Variants in SLC39A11 observed in about 807,000 individuals in gnomAD.
SLC39A11 encodes the protein zinc transporter ZIP11.
SLC39A11 carries 33 observed loss-of-function variants against 36.1 expected under a neutral mutation model. The ratio of observed to expected loss-of-function variants is 0.91; its 90% CI spans 0.69 to 1.22. The LOEUF is 1.22. SLC39A11 is among the 50% of genes most tolerant of loss of function. The probability of loss-of-function intolerance (pLI) is 0.00; values close to 1 mark genes in which losing one functional copy is unlikely to be tolerated. For missense variants in SLC39A11, 432 were observed against 430.3 expected (o/e 1.00, Z -0.03); for synonymous variants, 166 against 170.3 (o/e 0.97, Z 0.20).
At chr17:72,665,282 C>T (rs979615241) in intron 7 of SLC39A11, among the ~76,000 whole-genome samples, 1 of 151,976 alleles carries the variant, frequency 6.6e-6, no homozygotes, top group Non-Finnish European at 1.5e-5. Flanking sequence ...ATTGCCACCT[C>T]ATGAGAGACC....
intron 5 of SLC39A11, among the ~76,000 whole-genome samples, chr17:72,850,315 G>A (rs573087560): frequency 9.3e-5 from 14 of 151,282 alleles, no homozygotes; most frequent in African/African-American, 3.1e-4. Context: ...TTAGCTAGGC[G>A]TGGTGGTATG....
At chr17:72,857,141 C>T (rs2079689494) in intron 5 of SLC39A11, among the ~76,000 whole-genome samples, 1 of 152,144 alleles carries the variant, frequency 6.6e-6, no homozygotes, top group Non-Finnish European at 1.5e-5. Context: ...TCCCACCCTC[C>T]ACCCTCAAGC....
chr17:72,935,203 G>A (rs184405387), intron 5 of SLC39A11, among the ~76,000 whole-genome samples: 1 of 152,336 alleles, frequency 6.6e-6, no homozygotes, highest in East Asian at 1.9e-4. Context: ...ACACGCTGTT[G>A]ACACTTGCAA....
At chr17:72,695,661 T>C (rs1446581710) in intron 7 of SLC39A11, among the ~76,000 whole-genome samples, 1 of 152,162 alleles carries the variant, frequency 6.6e-6, no homozygotes, top group Admixed American at 6.5e-5. Context: ...GAGGTAGAGA[T>C]AAGATCATTC....
chr17:73,082,828 C>G (rs529569137), intron 3 of SLC39A11, among the ~76,000 whole-genome samples: 2 of 142,454 alleles, frequency 1.4e-5, no homozygotes, highest in Non-Finnish European at 3.0e-5. Context: ...CTGGCCAACA[C>G]GGCAAAACCC....
At chr17:73,019,216 A>T (rs547379774) in intron 4 of SLC39A11, among the ~76,000 whole-genome samples, 3 of 152,356 alleles carry the variant, frequency 2.0e-5, no homozygotes, top group African/African-American at 7.2e-5. Flanking sequence ...AAATAATATT[A>T]GATAAAAATA....
chr17:72,996,534 CA>C (rs1274109030), intron 4 of SLC39A11, among the ~76,000 whole-genome samples: 4 of 152,162 alleles, frequency 2.6e-5, no homozygotes, highest in Non-Finnish European at 4.4e-5. Flanking sequence ...TGGTTCTCAG[CA>C]ACCCTCAGCA....
chr17:72,679,499 C>A (rs1398579847), intron 7 of SLC39A11, among the ~76,000 whole-genome samples: 1 of 152,176 alleles, frequency 6.6e-6, no homozygotes, highest in South Asian at 2.1e-4. Flanking sequence ...CCCCAGGGAA[C>A]CTGTTCTGCA....
intron 4 of SLC39A11, among the ~76,000 whole-genome samples, chr17:73,024,275 G>A (rs992900410): frequency 3.3e-5 from 5 of 152,178 alleles, no homozygotes; most frequent in African/African-American, 1.2e-4. Context: ...CTCAACCCCA[G>A]GATGCAGCAT....
At chr17:73,088,042 C>T (rs527806689) in intron 2 of SLC39A11, among the ~76,000 whole-genome samples, 2 of 152,258 alleles carry the variant, frequency 1.3e-5, no homozygotes, top group Non-Finnish European at 2.9e-5. Context: ...CGGTGGCTCA[C>T]ACCTGCAATC....
intron 4 of SLC39A11, among the ~76,000 whole-genome samples, chr17:72,990,086 C>T (rs2089058765): frequency 6.6e-6 from 1 of 152,200 alleles, no homozygotes; most frequent in African/African-American, 2.4e-5. Context: ...AATATTCCAT[C>T]TCAAAAGCAA....
At chr17:73,006,551 G>A (rs2090188190) in intron 4 of SLC39A11, among the ~76,000 whole-genome samples, 1 of 152,080 alleles carries the variant, frequency 6.6e-6, no homozygotes, top group South Asian at 2.1e-4. Flanking sequence ...ACCTTTTACA[G>A]AAAAAGTGTG....
chr17:72,777,082 G>A (rs929828095), intron 6 of SLC39A11, among the ~76,000 whole-genome samples: 2 of 152,178 alleles, frequency 1.3e-5, no homozygotes, highest in African/African-American at 2.4e-5. Context: ...TTATCATTGG[G>A]ATCTGGGACG....
chr17:72,739,052 AC>A (rs2074556372), intron 6 of SLC39A11, among the ~76,000 whole-genome samples: 1 of 151,428 alleles, frequency 6.6e-6, no homozygotes, highest in African/African-American at 2.4e-5. Flanking sequence ...GCCTAATTTT[AC>A]CTTTTGTGCT....
At chr17:72,856,923 C>T (rs1202923249) in intron 5 of SLC39A11, among the ~76,000 whole-genome samples, 4 of 152,186 alleles carry the variant, frequency 2.6e-5, no homozygotes, top group Admixed American at 1.3e-4. Flanking sequence ...TCAGGTGATC[C>T]ACCTGCCTTG....
At chr17:73,089,909 T>C (rs2060869708) in intron 1 of SLC39A11, 1 of 152,210 alleles carries the variant, frequency 6.6e-6, no homozygotes, top group Non-Finnish European at 1.5e-5. Context: ...GGATCTGAGA[T>C]GACAATCAGA....
At chr17:72,727,313 C>T (rs1051864845) in intron 7 of SLC39A11, among the ~76,000 whole-genome samples, 1 of 152,134 alleles carries the variant, frequency 6.6e-6, no homozygotes, top group Non-Finnish European at 1.5e-5. Flanking sequence ...TGAAGAATTC[C>T]TCTGTGATTG....
intron 3 of SLC39A11, among the ~76,000 whole-genome samples, chr17:73,047,173 C>T (rs1422069720): frequency 2.0e-5 from 3 of 151,960 alleles, no homozygotes; most frequent in Admixed American, 6.5e-5. Context: ...TACAGGCTCC[C>T]GCCACCACGC....
At chr17:72,927,946 C>T (rs2147367583) in intron 5 of SLC39A11, among the ~76,000 whole-genome samples, 1 of 152,072 alleles carries the variant, frequency 6.6e-6, no homozygotes. Flanking sequence ...ATAGCACAGT[C>T]CAAAGTACAT....
Sources: gnomAD v4.1 joint callset for allele counts (sites outside exome capture counted in the v4.1 genomes callset) on GRCh38, gnomAD v4.1.1 for gene constraint, MANE v1.5 for transcripts, NCBI Gene and HGNC (gene_info 2026-07-23, HGNC 2026-07-21) for gene names.